The following ZBTB16 variants were observed in gnomAD, a reference collection of about 807,000 sequenced individuals.
ZBTB16 encodes zinc finger and BTB domain containing 16.
ZBTB16 carries 8 observed loss-of-function variants against 56.8 expected under a neutral mutation model. That is an observed-to-expected ratio of 0.14 (90% CI 0.08 to 0.25). The LOEUF (loss-of-function observed/expected upper bound fraction) is 0.25. ZBTB16 is among the 10% of genes least tolerant of loss of function. The probability of loss-of-function intolerance (pLI) is 1.00; values close to 1 mark genes in which losing one functional copy is unlikely to be tolerated. For missense variants in ZBTB16, 625 were observed against 903.0 expected, an observed-to-expected ratio of 0.69 and a Z score of 3.95; for synonymous variants, 363 against 368.5, an observed-to-expected ratio of 0.98 and a Z score of 0.17.
At chr11:114,191,017 G>C (rs774966951) in intron 4 of ZBTB16, among the ~76,000 whole-genome samples, 7 of 152,110 alleles carry the variant, frequency 4.6e-5, no homozygotes, top group Non-Finnish European at 8.8e-5. Flanking sequence ...GCAGGAGCTA[G>C]AGAGAGAGAG....
intron 1 of ZBTB16, among the ~76,000 whole-genome samples, chr11:114,061,944 C>G (rs942239314): frequency 1.7e-4 from 26 of 152,170 alleles, no homozygotes; most frequent in African/African-American, 6.3e-4. Flanking sequence ...CCAGCATGAG[C>G]ACTCCTGGCT....
At chr11:114,076,235 A>G (rs1342551042) in intron 2 of ZBTB16, among the ~76,000 whole-genome samples, 1 of 152,208 alleles carries the variant, frequency 6.6e-6, no homozygotes, top group Non-Finnish European at 1.5e-5. Flanking sequence ...CATCGTTGAC[A>G]GCAGTTCAAG....
rs11214877 is a variant in ZBTB16, at chr11:114,146,035, G to A, written c.1269-10302G>A. On this transcript the variant is annotated intron_variant, in intron 2 of 6. Transcript: ENST00000335953. ...ATTGCGTTGATGGACAACCTACCTA[G>A]AAGGGCTGTGGGTCAGGAGCAGCCT... 1.3e-3 allele frequency among the ~76,000 whole-genome samples: 202 copies of A among 152,294 alleles called. 3 individuals are homozygous for A. The East Asian group carries it at 0.03, about 23-fold the overall frequency.
rs149614298 is a variant in ZBTB16, at chr11:114,124,812, C to T, written c.1269-31525C>T. On this transcript the variant is annotated intron_variant, in intron 2 of 6. Transcript: ENST00000335953. ...TCACTTGCTCTCATTGTCAGTTGGA[C>T]GCAGGTATTGAATGACCACTGAGTG... Among the ~76,000 whole-genome samples the T allele has an allele frequency of 3.1e-3, 475 of 152,260 alleles. 6 individuals carry two copies. The East Asian group carries it at 0.033, about 10-fold the overall frequency.
At chr11:114,120,070 G>T (rs1456887983) in intron 2 of ZBTB16, among the ~76,000 whole-genome samples, 1 of 152,180 alleles carries the variant, frequency 6.6e-6, no homozygotes, top group Non-Finnish European at 1.5e-5. Context: ...GGAGGGTCTT[G>T]TCTGGAGGCA....
At chr11:114,240,457 C>T (rs1655729166) in intron 4 of ZBTB16, among the ~76,000 whole-genome samples, 1 of 136,110 alleles carries the variant, frequency 7.3e-6, no homozygotes, top group African/African-American at 2.7e-5. Context: ...TACCCCCTCC[C>T]CCCACCCACT....
intron 2 of ZBTB16, among the ~76,000 whole-genome samples, chr11:114,119,991 T>G (rs1941297003): frequency 6.6e-6 from 1 of 152,174 alleles, no homozygotes; most frequent in Non-Finnish European, 1.5e-5. Flanking sequence ...GAGAAGGGAT[T>G]TCTTGGAGAA....
At chr11:114,246,438 T>G (rs1944818881) in intron 5 of ZBTB16, among the ~76,000 whole-genome samples, 1 of 151,782 alleles carries the variant, frequency 6.6e-6, no homozygotes, top group African/African-American at 2.4e-5. Context: ...TTCTTTAAGT[T>G]TGTTGCCATG....
chr11:114,097,597 C>T (rs941160638), intron 2 of ZBTB16, among the ~76,000 whole-genome samples: 1 of 152,102 alleles, frequency 6.6e-6, no homozygotes, highest in African/African-American at 2.4e-5. Flanking sequence ...AAAAAAAACA[C>T]ACATCGCCTG....
chr11:114,070,330 G>T (rs576992187), intron 2 of ZBTB16, among the ~76,000 whole-genome samples: 3 of 151,296 alleles, frequency 2.0e-5, no homozygotes, highest in African/African-American at 7.3e-5. Context: ...GGATGGTCTC[G>T]ATCTCCTGAC....
chr11:114,085,609 G>T (rs934868576), intron 2 of ZBTB16, among the ~76,000 whole-genome samples: 1 of 152,146 alleles, frequency 6.6e-6, no homozygotes, highest in Non-Finnish European at 1.5e-5. Flanking sequence ...TTTGATTGAA[G>T]ATTCAGGAGG....
chr11:114,123,085 GTC>G (rs1256057692), intron 2 of ZBTB16, among the ~76,000 whole-genome samples: 1 of 152,170 alleles, frequency 6.6e-6, no homozygotes, highest in Non-Finnish European at 1.5e-5. Context: ...GTGAGCTGGT[GTC>G]TCTTCTTACA....
intron 5 of ZBTB16, among the ~76,000 whole-genome samples, chr11:114,243,959 G>C (rs144524100): frequency 1.2e-3 from 188 of 152,298 alleles, no homozygotes; most frequent in African/African-American, 4.3e-3. Context: ...TTAGGGAGAA[G>C]CCCTTGCTTA....
intron 3 of ZBTB16, among the ~76,000 whole-genome samples, chr11:114,176,212 G>A (rs776940798): frequency 1.3e-5 from 2 of 152,150 alleles, no homozygotes; most frequent in African/African-American, 4.8e-5. Flanking sequence ...TCTCTCCTGA[G>A]AATCCCCAAG....
At chr11:114,121,510 A>G (rs911791858) in intron 2 of ZBTB16, among the ~76,000 whole-genome samples, 2 of 152,216 alleles carry the variant, frequency 1.3e-5, no homozygotes, top group African/African-American at 2.4e-5. Flanking sequence ...GGCTAGCACC[A>G]TGGCTATTTC....
chr11:114,235,629 CCTTT>C lies in ZBTB16; in HGVS notation c.1454-6477_1454-6474del, dbSNP rs746433237. Among the ~76,000 whole-genome samples, 244 of 97,836 alleles carry C rather than the reference CCTTT, an allele frequency of 2.5e-3. 2 individuals carry two copies. Among genetic ancestry groups the C allele is most frequent in the South Asian group, 7.3e-3 (18 of 2,462 alleles). 64.2% of individuals were successfully genotyped at this position (97,836 alleles called of 152,430 possible). A position where few individuals can be genotyped will look rare whatever the true frequency, so the allele number is the denominator to read the frequency against. On this transcript the variant is annotated intron_variant, in intron 4 of 6. Coordinates refer to ENST00000335953, the MANE Select transcript of ZBTB16 (RefSeq NM_006006.6). ...CTCTTTCTTTCTTTCCCTCTCCCTT[CCTTT>C]CTTTCTTTCTTTCTTTCTTTCTTTC...
Position 114,063,759 on chromosome 11 carries a change from C to G in ZBTB16, c.459C>G (p.Leu153=). The change falls in exon 2 of 7, where the codon CTC becomes CTG. Residue 153 remains leucine (L), a synonymous_variant. Transcript: ENST00000335953. This position sits in a 1 kb window ranked among gnomAD's most constrained non-coding sequence, Gnocchi z 6.5. ...AAGAGGACCGCAAGGCTCGGTACCT[C>G]AAGAACATCTTCATCTCGAAGCATT... ...EEEEDRKARY[L]KNIFISKHSS... 2 of 1,614,062 alleles carry G rather than the reference C, an allele frequency of 1.2e-6. No individual in the cohort carries two copies. Among genetic ancestry groups the G allele is most frequent in the Non-Finnish European group, 1.7e-6 (2 of 1,180,048 alleles).
intron 2 of ZBTB16, among the ~76,000 whole-genome samples, chr11:114,082,582 C>T (rs751509988): frequency 2.6e-5 from 4 of 152,176 alleles, no homozygotes; most frequent in African/African-American, 7.2e-5. Flanking sequence ...TGTCTGACTG[C>T]CCCCTGCTCC....
At chr11:114,201,205 G>T (rs976410633) in intron 4 of ZBTB16, among the ~76,000 whole-genome samples, 3 of 152,146 alleles carry the variant, frequency 2.0e-5, no homozygotes, top group Non-Finnish European at 2.9e-5. Flanking sequence ...CAAAACAGAG[G>T]CAGGGTAAGT....
Sources: allele counts gnomAD v4.1 joint callset (sites outside exome capture counted in the v4.1 genomes callset), GRCh38; gene constraint gnomAD v4.1.1; non-coding constraint Gnocchi (gnomAD v3.1); transcripts MANE v1.5; gene names NCBI Gene and HGNC (gene_info 2026-07-23, HGNC 2026-07-21).